KRT85: variants seen among roughly 807,000 people sequenced by gnomAD.
The protein encoded by KRT85 is keratin, type II cuticular Hb5.
A neutral mutation model predicts 53.7 loss-of-function variants in KRT85; 39 were observed. That is an observed-to-expected ratio of 0.73 (90% CI 0.56 to 0.95). The LOEUF is 0.95. Among genes scored for constraint, KRT85 ranks in the 40% least tolerant of loss-of-function variants. The pLI is 0.00. For synonymous variants in KRT85, 291 were observed against 277.5 expected (o/e 1.05, Z -0.48); for missense variants, 668 against 686.0 (o/e 0.97, Z 0.29).
Position 52,367,422 on chromosome 12 carries a change from G to C in KRT85, c.-17C>G, listed in dbSNP as rs548675529. Reference sequence around the variant, plus strand: ...GCACGACATCGTGTGAGGCTGAGCAGAGTCTGAGAGGCAGCGGAAGGTGGT... The same window carrying C: ...GCACGACATCGTGTGAGGCTGAGCACAGTCTGAGAGGCAGCGGAAGGTGGT... On this transcript the variant is annotated 5_prime_UTR_variant, in exon 1 of 9. Coordinates refer to ENST00000257901, the MANE Select transcript of KRT85 (RefSeq NM_002283.4). 2.7e-5 allele frequency: 43 copies of C among 1,613,830 alleles called. No homozygotes were observed. The African/African-American group carries it at 4.9e-4, about 19-fold the overall frequency.
At chr12:52,364,196 T>C in intron 3 of KRT85, 33 bp from the exon 4 acceptor site, 4 of 1,613,154 alleles carry the variant, frequency 2.5e-6, no homozygotes, top group Non-Finnish European at 3.4e-6. Context: ...GGGACATGCA[T>C]GTGAGAGGAG....
rs1282682371 is a variant in KRT85, at chr12:52,367,205, A to G, written c.201T>C (p.Ala67=). The G allele has an allele frequency of 1.2e-6, 2 of 1,613,776 alleles. No homozygotes were observed. The highest frequency in any genetic ancestry group is 1.7e-6 in the Non-Finnish European group (2 of 1,179,842). Residue 67 remains alanine, a synonymous_variant, in exon 1 of 9, where the codon GCT becomes GCC. Coordinates refer to ENST00000257901, the MANE Select transcript of KRT85 (RefSeq NM_002283.4). Reference sequence around the variant, plus strand: ...AGGAGCCGGCTCGGAAGCCACCTACAGCTATCCGGGGCCCGCAGGAGCCCA... The same window carrying G: ...AGGAGCCGGCTCGGAAGCCACCTACGGCTATCCGGGGCCCGCAGGAGCCCA... ...CNLGSCGPRI[A]VGGFRAGSCG...
chr12:52,360,347 G>A lies in KRT85; in HGVS notation c.*506C>T. On this transcript the variant is annotated 3_prime_UTR_variant, in exon 9 of 9. Transcript: ENST00000257901. ...TAGCCCAGAAGCAGGAAGGCAGTCT[G>A]AGAGAGAAGCAAAACATGAACAGGA... is the stretch of plus-strand genomic sequence containing the variant. The A allele has an allele frequency of 5.0e-6, 1 of 199,264 alleles. No homozygotes were observed. 12.3% of individuals were successfully genotyped at this position (199,264 alleles called of 1,614,324 possible). A position where few individuals can be genotyped will look rare whatever the true frequency, so the allele number is the denominator to read the frequency against.
At chr12:52,365,295 C>T (rs1038716124) in intron 1 of KRT85, 125 bp from the exon 2 acceptor site, 1 of 1,040,906 alleles carries the variant, frequency 9.6e-7, no homozygotes, top group Admixed American at 2.0e-5. Flanking sequence ...GTCTGCGGCT[C>T]AAGGGGCCCA....
Position 52,364,123 on chromosome 12 carries a change from G to A in KRT85, c.731C>T (p.Ala244Val). The change falls in exon 4 of 9, where the codon GCC becomes GTC. Residue 244 changes from alanine (A) to valine (V), a missense_variant. This residue lies in a region of KRT85 where 488 missense variants were observed against 498.1 expected (regional missense o/e 0.98). Coordinates refer to ENST00000257901, the MANE Select transcript of KRT85 (RefSeq NM_002283.4). ...CAYLRKSDLEANVEALVEESS... is the reference protein window; with the variant it reads ...CAYLRKSDLEVNVEALVEESS... ...CTCCTCCACCAGGGCCTCCACATTG[G>A]CCTCCAGGTCTGATTTCCGCAGGTA... 1 of 1,614,114 alleles carries A rather than the reference G, an allele frequency of 6.2e-7. No homozygotes were observed. The highest frequency in any genetic ancestry group is 1.1e-5 in the South Asian group (1 of 91,082).
At chr12:52,364,675 C>A (rs1317636070) in intron 2 of KRT85, 1 of 1,437,730 alleles carries the variant, frequency 7.0e-7, no homozygotes, top group Admixed American at 2.8e-5. Flanking sequence ...TCACAGAGCC[C>A]ATGTCATAAA....
intron 4 of KRT85, 98 bp downstream of exon 4, chr12:52,363,970 G>A: frequency 1.1e-6 from 1 of 935,826 alleles, no homozygotes; most frequent in Non-Finnish European, 1.8e-6. Flanking sequence ...ATTGCACATT[G>A]GCAAACATAG....
chr12:52,362,558 G>A, intron 6 of KRT85, 87 bp from the exon 7 acceptor site: 1 of 1,521,606 alleles, frequency 6.6e-7, no homozygotes. Flanking sequence ...GCAGGGAGAG[G>A]AGGGTCCTGG....
chr12:52,362,929 G>T lies in KRT85; in HGVS notation c.1002C>A (p.Arg334=), dbSNP rs1319518696. 6.2e-7 allele frequency: 1 copy of T among 1,614,132 alleles called. No homozygotes were observed. ...TCAGCTCGTTGATCTCCTCCTTGGTGCGGCGCAGGGTCTCCCCATGCCTGA... is the reference window on the plus strand; with the variant it reads ...TCAGCTCGTTGATCTCCTCCTTGGTTCGGCGCAGGGTCTCCCCATGCCTGA... ...TVIRHGETLR[R]TKEEINELNR... The change falls in exon 6 of 9, where the codon CGC becomes CGA. Residue 334 remains arginine, a synonymous_variant. Coordinates refer to ENST00000257901, the MANE Select transcript of KRT85 (RefSeq NM_002283.4).
chr12:52,363,888 C>A (rs1301738689), intron 4 of KRT85, among the ~76,000 whole-genome samples, 180 bp downstream of exon 4: 1 of 152,242 alleles, frequency 6.6e-6, no homozygotes, highest in African/African-American at 2.4e-5. Flanking sequence ...ATGCTCCTCT[C>A]ACACATGAAC....
Position 52,360,433 on chromosome 12 carries a change from G to C in KRT85, c.*420C>G. 7.9e-6 allele frequency: 2 copies of C among 253,874 alleles called. No homozygotes were observed. The highest frequency in any genetic ancestry group is 1.5e-5 in the Non-Finnish European group (2 of 129,578). 15.7% of individuals were successfully genotyped at this position (253,874 alleles called of 1,614,324 possible). A position where few individuals can be genotyped will look rare whatever the true frequency, so the allele number is the denominator to read the frequency against. ...CCCAGCCAGGAGGAGGGGGCTGCTG[G>C]GGAGGGACTTTCTCCCTGATTCTCG... On this transcript the variant is annotated 3_prime_UTR_variant, in exon 9 of 9. Transcript: ENST00000257901.
chr12:52,366,720 G>A (rs1403678357), intron 1 of KRT85, among the ~76,000 whole-genome samples: 2 of 151,536 alleles, frequency 1.3e-5, no homozygotes, highest in African/African-American at 2.4e-5. Context: ...ACGTACAGGC[G>A]CACACACCGC....
chr12:52,360,960 C>A lies in KRT85; in HGVS notation c.1417G>T (p.Ala473Ser). 1 of 1,613,472 alleles carries A rather than the reference C, an allele frequency of 6.2e-7. No homozygotes were observed. Among genetic ancestry groups the A allele is most frequent in the South Asian group, 1.1e-5 (1 of 91,038 alleles). Reference protein sequence around the residue: ...PGRQITSGPSAIGGSITVVAP... With the variant: ...PGRQITSGPSSIGGSITVVAP... ...ACCACCGTGATGCTGCCGCCTATGG[C>A]TGAGGGGCCAGAAGTGATCTGGCGC... is the stretch of plus-strand genomic sequence containing the variant. The change falls in exon 9 of 9, where the codon GCC (alanine) becomes TCC (serine). Residue 473 changes from alanine (A) to serine (S), a missense_variant. Ala to Ser is a moderately conservative substitution (Grantham distance 99). Coordinates refer to ENST00000257901, the MANE Select transcript of KRT85 (RefSeq NM_002283.4).
In KRT85 at chr12:52,363,401, C is replaced by T. The variant is rs768562539; in HGVS notation, c.796G>A (p.Val266Ile). The T allele has an allele frequency of 9.9e-6, 16 of 1,613,998 alleles. No individual in the cohort carries two copies. The highest frequency in any genetic ancestry group is 8.0e-5 in the African/African-American group (6 of 74,896). Residue 266 changes from valine to isoleucine, a missense_variant, in exon 5 of 9, where the codon GTT becomes ATT. Coordinates refer to ENST00000257901, the MANE Select transcript of KRT85 (RefSeq NM_002283.4). Reference sequence around the variant, plus strand: ...GTGTCTGAGATGTGGGCTTGGAGAACGCGGATCTCCTGTGGGGCCAACAGC... The same window carrying T: ...GTGTCTGAGATGTGGGCTTGGAGAATGCGGATCTCCTGTGGGGCCAACAGC... ...LRRLYEEEIR[V>I]LQAHISDTSV...
intron 2 of KRT85, chr12:52,364,747 A>G (rs1028033552): frequency 4.4e-6 from 6 of 1,368,396 alleles, no homozygotes; most frequent in Non-Finnish European, 5.9e-6. Flanking sequence ...TCCTCTCTTC[A>G]TTCCCCCAGA....
At chr12:52,365,250 G>A (rs1939256077) in intron 1 of KRT85, 80 bp from the exon 2 acceptor site, 6 of 1,468,238 alleles carry the variant, frequency 4.1e-6, no homozygotes, top group East Asian at 2.3e-5. Context: ...CTGCCCTCGG[G>A]TGCTGGCTGA....
intron 2 of KRT85, chr12:52,364,687 G>T (rs1020730431): frequency 7.0e-7 from 1 of 1,435,430 alleles, no homozygotes. Flanking sequence ...TGTCATAAAG[G>T]TAAGCTGTGA....
intron 4 of KRT85, 65 bp downstream of exon 4, chr12:52,364,003 C>T (rs1939233715): frequency 2.4e-6 from 3 of 1,241,580 alleles, no homozygotes; most frequent in Non-Finnish European, 3.6e-6. Flanking sequence ...ACCCTTGCCT[C>T]ACTGCTCCCC....
intron 4 of KRT85, 65 bp from the exon 5 acceptor site, chr12:52,363,475 G>A: frequency 6.3e-7 from 1 of 1,580,244 alleles, no homozygotes; most frequent in Non-Finnish European, 8.7e-7. Flanking sequence ...ATCCACCCCA[G>A]GGGACAATGT....
Sources: gnomAD v4.1 joint callset for allele counts (sites outside exome capture counted in the v4.1 genomes callset) on GRCh38, gnomAD v4.1.1 for gene constraint, gnomAD v4.1.1 regional missense constraint, MANE v1.5 for transcripts, NCBI Gene and HGNC (gene_info 2026-07-23, HGNC 2026-07-21) for gene names.